The following PTPRD variants were observed in gnomAD, a reference collection of about 807,000 sequenced individuals.
PTPRD encodes receptor-type tyrosine-protein phosphatase delta.
A neutral mutation model predicts 214.5 loss-of-function variants in PTPRD; 34 were observed. That is an observed-to-expected ratio of 0.16 (90% CI 0.12 to 0.21). PTPRD has a LOEUF of 0.21. Ranked by LOEUF, PTPRD falls within the 10% of genes least tolerant of loss-of-function variation. The pLI is 1.00. For missense variants in PTPRD, 2,545 were observed against 2,398.7 expected (o/e 1.06, Z -1.27); for synonymous variants, 1,128 against 845.7 (o/e 1.33, Z -5.79).
At chr9:10,464,365 G>T (rs189835313) in intron 2 of PTPRD, among the ~76,000 whole-genome samples, 1 of 151,568 alleles carries the variant, frequency 6.6e-6, no homozygotes, top group Non-Finnish European at 1.5e-5. Flanking sequence ...GAGCGATGGA[G>T]TGAGACACCA....
intron 7 of PTPRD, among the ~76,000 whole-genome samples, chr9:9,646,490 G>A (rs1160096847): frequency 6.6e-6 from 1 of 152,034 alleles, no homozygotes; most frequent in African/African-American, 2.4e-5. Flanking sequence ...TAAGTTTTCT[G>A]TTTATTTTTC....
chr9:10,007,077 G>A (rs1011822216), intron 4 of PTPRD, among the ~76,000 whole-genome samples: 2 of 151,920 alleles, frequency 1.3e-5, no homozygotes, highest in Admixed American at 1.3e-4. Context: ...AGGCAGAAGT[G>A]TTTGTCTCTG....
At chr9:8,794,342 G>C (rs2096339888) in intron 11 of PTPRD, among the ~76,000 whole-genome samples, 1 of 152,112 alleles carries the variant, frequency 6.6e-6, no homozygotes. Flanking sequence ...TAATACTTAA[G>C]CCCATTTTAC....
At chr9:8,478,512 T>C (rs1003016957) in intron 30 of PTPRD, among the ~76,000 whole-genome samples, 2 of 152,150 alleles carry the variant, frequency 1.3e-5, no homozygotes, top group African/African-American at 4.8e-5. Flanking sequence ...TTTTTTCTCC[T>C]AGTATAATCT....
At chr9:8,637,125 A>T (rs1025985191) in intron 12 of PTPRD, among the ~76,000 whole-genome samples, 2 of 152,184 alleles carry the variant, frequency 1.3e-5, no homozygotes, top group African/African-American at 4.8e-5. Context: ...AACATCACAC[A>T]TTAATTTTTA....
intron 14 of PTPRD, among the ~76,000 whole-genome samples, chr9:8,601,063 C>T (rs116591321): frequency 1.2e-3 from 180 of 152,174 alleles, no homozygotes; most frequent in African/African-American, 4.2e-3. Context: ...CACAAGCTGA[C>T]TGAAGAGCTT....
At chr9:8,738,978 A>C (rs2091207004) in intron 11 of PTPRD, among the ~76,000 whole-genome samples, 1 of 152,226 alleles carries the variant, frequency 6.6e-6, no homozygotes, top group Admixed American at 6.5e-5. Flanking sequence ...GTATGTCCCC[A>C]AATTACTTCT....
chr9:9,021,803 AATG>A (rs780843552), intron 10 of PTPRD, among the ~76,000 whole-genome samples: 6 of 152,180 alleles, frequency 3.9e-5, no homozygotes, highest in Middle Eastern at 3.2e-3. Context: ...AAATGTATAG[AATG>A]ATAATACAAA....
chr9:10,281,591 A>C (rs2095115265), intron 3 of PTPRD, among the ~76,000 whole-genome samples: 1 of 152,214 alleles, frequency 6.6e-6, no homozygotes, highest in African/African-American at 2.4e-5. Flanking sequence ...AGTTGGATGT[A>C]ATCCCAATTG....
chr9:9,099,761 T>C (rs1030961309), intron 10 of PTPRD, among the ~76,000 whole-genome samples: 3 of 152,204 alleles, frequency 2.0e-5, no homozygotes, highest in African/African-American at 7.2e-5. Flanking sequence ...TTTCTATGAA[T>C]AGAATTAACC....
chr9:10,356,973 G>A (rs529312789), intron 2 of PTPRD, among the ~76,000 whole-genome samples: 83 of 152,054 alleles, frequency 5.5e-4, no homozygotes, highest in Admixed American at 1.6e-3. Context: ...GAGCCACCAC[G>A]CCCGGCCCAT....
chr9:9,785,870 G>C (rs933112999), intron 5 of PTPRD, among the ~76,000 whole-genome samples: 5 of 152,064 alleles, frequency 3.3e-5, no homozygotes, highest in African/African-American at 1.2e-4. Context: ...ATTCCTGCTA[G>C]TCAATAATTA....
At chr9:9,119,783 C>G (rs1453777561) in intron 10 of PTPRD, among the ~76,000 whole-genome samples, 2 of 151,766 alleles carry the variant, frequency 1.3e-5, no homozygotes, top group Admixed American at 6.6e-5. Flanking sequence ...CTCAGCCTCC[C>G]AAAGTGCTAG....
chr9:8,617,488 A>T (rs1452433268), intron 14 of PTPRD, among the ~76,000 whole-genome samples: 6 of 152,248 alleles, frequency 3.9e-5, no homozygotes, highest in African/African-American at 1.4e-4. Context: ...AACATCAGAT[A>T]TGTCACTTAG....
chr9:8,836,587 CTTTTTTTTTT>C lies in PTPRD; in HGVS notation c.-103-102651_-103-102642del, dbSNP rs34572407. ...TTAAGTTCAGAGTATTAATAAAAACCTTTTTTTTTTTTTTTTTTTTTTTTTTTTAAGACGG... is the reference window on the plus strand; with the variant it reads ...TTAAGTTCAGAGTATTAATAAAAACCTTTTTTTTTTTTTTTTTTAAGACGG... On this transcript the variant is annotated intron_variant, in intron 11 of 45. Transcript: ENST00000381196. 5.3e-3 allele frequency among the ~76,000 whole-genome samples: 357 copies of C among 66,828 alleles called. 1 individual carries two copies. The highest frequency in any genetic ancestry group is 7.4e-3 in the Non-Finnish European group (284 of 38,134). The allele number at this position is 66,828 out of a possible 152,430, so 43.8% of individuals were successfully genotyped here. A position where few individuals can be genotyped will look rare whatever the true frequency, so the allele number is the denominator to read the frequency against.
rs544739765 is a variant in PTPRD at position 9,091,214 on chromosome 9, C to G, written c.-142-72479G>C. 81 of 1,429,492 alleles carry G rather than the reference C, an allele frequency of 5.7e-5. 1 individual carries two copies. In the South Asian group the frequency reaches 9.1e-4, roughly 16 times the overall value. The allele number at this position is 1,429,492 out of a possible 1,614,324, so 88.6% of individuals were successfully genotyped here. ...CCACCCCGATTTAGACCTGCGGGTG[C>G]TGCCCCACGTCCCCCACCAAAGCCC... On this transcript the variant is annotated intron_variant, in intron 10 of 45. Coordinates refer to ENST00000381196, the MANE Select transcript of PTPRD (RefSeq NM_002839.4).
At chr9:10,298,642 G>C (rs1031159114) in intron 3 of PTPRD, among the ~76,000 whole-genome samples, 1 of 151,878 alleles carries the variant, frequency 6.6e-6, no homozygotes, top group Non-Finnish European at 1.5e-5. Flanking sequence ...CATTTCCCAT[G>C]ATTGTGATGC....
intron 11 of PTPRD, among the ~76,000 whole-genome samples, chr9:8,892,516 T>C (rs1449548368): frequency 6.6e-6 from 1 of 151,328 alleles, no homozygotes; most frequent in African/African-American, 2.4e-5. Context: ...AAGTTGAATA[T>C]ATATATATGT....
intron 8 of PTPRD, among the ~76,000 whole-genome samples, chr9:9,398,272 T>C (rs2068692064): frequency 6.6e-6 from 1 of 151,994 alleles, no homozygotes; most frequent in South Asian, 2.1e-4. Flanking sequence ...TTCTAGATGT[T>C]CCCACCATAT....
Sources: gnomAD v4.1 joint callset for allele counts (sites outside exome capture counted in the v4.1 genomes callset) on GRCh38, gnomAD v4.1.1 for gene constraint, MANE v1.5 for transcripts, NCBI Gene and HGNC (gene_info 2026-07-23, HGNC 2026-07-21) for gene names.